The following VPS13A variants were observed in gnomAD, a reference collection of about 807,000 sequenced individuals.
The protein encoded by VPS13A is vacuolar protein sorting 13 homolog A, also known as intermembrane lipid transfer protein VPS13A.
VPS13A carries 264 observed loss-of-function variants against 390.9 expected under a neutral mutation model. That is an observed-to-expected ratio of 0.68 (90% CI 0.61 to 0.75). VPS13A has a LOEUF of 0.75. Among genes scored for constraint, VPS13A ranks in the 30% least tolerant of loss-of-function variants. VPS13A has a pLI of 0.00. For missense variants in VPS13A, 3,409 were observed against 3,733.9 expected (o/e 0.91, Z 2.27); for synonymous variants, 1,231 against 1,227.1 (o/e 1.00, Z -0.07).
chr9:77,409,949 A>T (rs1364371554), intron 71 of VPS13A, among the ~76,000 whole-genome samples: 1 of 151,540 alleles, frequency 6.6e-6, no homozygotes, highest in African/African-American at 2.4e-5. Flanking sequence ...AGAGAATGCC[A>T]CAAAGATACT....
chr9:77,320,023 C>T (rs1178962171), intron 42 of VPS13A, among the ~76,000 whole-genome samples: 1 of 152,126 alleles, frequency 6.6e-6, no homozygotes, highest in Non-Finnish European at 1.5e-5. Flanking sequence ...GTTGCCTATG[C>T]TTCTAATACA....
At chr9:77,321,919 G>T (rs539902232) in intron 44 of VPS13A, among the ~76,000 whole-genome samples, 173 bp downstream of exon 44, 2 of 151,662 alleles carry the variant, frequency 1.3e-5, no homozygotes, top group African/African-American at 2.4e-5. Context: ...CAGTGTCTTG[G>T]TTACTATTGT....
At chr9:77,370,074 A>C (rs935745061) in intron 63 of VPS13A, among the ~76,000 whole-genome samples, 183 bp from the exon 64 acceptor site, 3 of 152,104 alleles carry the variant, frequency 2.0e-5, no homozygotes, top group Non-Finnish European at 4.4e-5. Flanking sequence ...TATCCTTCAC[A>C]CTTTCAGCGT....
intron 5 of VPS13A, among the ~76,000 whole-genome samples, chr9:77,207,256 A>AT: frequency 1.9e-5 from 1 of 53,986 alleles, no homozygotes; most frequent in South Asian, 7.7e-4. Flanking sequence ...TATATATAAA[A>AT]CGTGTTATAT....
In VPS13A at chr9:77,341,691, CTTTTTTTTTTTTTTTTTT is replaced by C. The variant is rs57841628; in HGVS notation, c.7026+1153_7026+1170del. On this transcript the variant is annotated intron_variant, in intron 50 of 71. Coordinates refer to ENST00000360280, the MANE Select transcript of VPS13A (RefSeq NM_033305.3). Reference sequence around the variant, plus strand: ...AGTAAGTTCTACATGGACATCTTTCCTTTTTTTTTTTTTTTTTTTTTTTTTTTTTGCTTTTGCTGTGTC... The same window carrying C: ...AGTAAGTTCTACATGGACATCTTTCCTTTTTTTTTTTGCTTTTGCTGTGTC... Among the ~76,000 whole-genome samples the C allele has an allele frequency of 1.1e-4, 4 of 37,822 alleles. 1 individual carries two copies. Among genetic ancestry groups the C allele is most frequent in the South Asian group, 2.6e-3 (2 of 756 alleles). The allele number at this position is 37,822 out of a possible 152,430, so 24.8% of individuals were successfully genotyped here. A position where few individuals can be genotyped will look rare whatever the true frequency, so the allele number is the denominator to read the frequency against.
chr9:77,318,198 G>A, intron 40 of VPS13A, 37 bp from the exon 41 acceptor site: 1 of 1,222,036 alleles, frequency 8.2e-7, no homozygotes, highest in East Asian at 2.4e-5. Flanking sequence ...ATGTTTGAAA[G>A]TGTTTTGTAT....
intron 47 of VPS13A, chr9:77,337,808 G>A: frequency 3.1e-6 from 1 of 319,446 alleles, no homozygotes; most frequent in Non-Finnish European, 5.7e-6. Flanking sequence ...TTGTGAAGTT[G>A]CTTTTTTTCT....
rs145700127 is a variant in VPS13A at position 77,191,353 on chromosome 9, G to T, written c.101-8592G>T. On this transcript the variant is annotated intron_variant, in intron 1 of 71. Transcript: ENST00000360280. ...CTGTTGCCGAGGCTGAAGTGGAGTGGCATGAACACGGCTCACTGCAGCCTC... is the reference window on the plus strand; with the variant it reads ...CTGTTGCCGAGGCTGAAGTGGAGTGTCATGAACACGGCTCACTGCAGCCTC... Among the ~76,000 whole-genome samples the T allele has an allele frequency of 5.6e-3, 835 of 150,064 alleles. 10 individuals carry two copies. Among genetic ancestry groups the T allele is most frequent in the African/African-American group, 0.02 (805 of 40,784 alleles).
intron 34 of VPS13A, among the ~76,000 whole-genome samples, chr9:77,307,172 T>C (rs7862288): frequency 0.2 from 29,727 of 152,124 alleles, 3,751 homozygotes; most frequent in East Asian, 0.39. Flanking sequence ...CCCAGAGTGC[T>C]GGGCTTACAG....
intron 50 of VPS13A, among the ~76,000 whole-genome samples, chr9:77,342,542 C>T (rs151238810): frequency 6.6e-6 from 1 of 152,224 alleles, no homozygotes; most frequent in African/African-American, 2.4e-5. Flanking sequence ...GAGATAGTGA[C>T]ACATTCTCTT....
In VPS13A at chr9:77,335,345, A is replaced by G. The variant is rs77577599; in HGVS notation, c.6096-1910A>G. 4.7e-3 allele frequency among the ~76,000 whole-genome samples: 718 copies of G among 152,300 alleles called. 5 individuals carry two copies. Among genetic ancestry groups the G allele is most frequent in the African/African-American group, 0.017 (686 of 41,562 alleles). On this transcript the variant is annotated intron_variant, in intron 46 of 71. Coordinates refer to ENST00000360280, the MANE Select transcript of VPS13A (RefSeq NM_033305.3). ...TCTTCTGCAATGGCAAAAAAATCCA[A>G]AATTGACAAATGGGATCTAATTAAA...
At chr9:77,269,804 C>T (rs1826246999) in intron 23 of VPS13A, among the ~76,000 whole-genome samples, 1 of 152,160 alleles carries the variant, frequency 6.6e-6, no homozygotes, top group Non-Finnish European at 1.5e-5. Context: ...CCTAATTCTG[C>T]TATTTCACAT....
rs1827573223 is a variant in VPS13A at position 77,290,256 on chromosome 9, CTTTGTTACA to C, written c.3340-3084_3340-3076del. Among the ~76,000 whole-genome samples, 19 of 152,090 alleles carry C rather than the reference CTTTGTTACA, an allele frequency of 1.2e-4. 1 individual carries two copies. The highest frequency in any genetic ancestry group is 1.2e-3 in the East Asian group (6 of 5,180). ...TGTTAAAAGATGTGATTTCATTGTTCTTTGTTACACATACTTTTGATGAGAAATCTATGA... is the reference window on the plus strand; with the variant it reads ...TGTTAAAAGATGTGATTTCATTGTTCCATACTTTTGATGAGAAATCTATGA... On this transcript the variant is annotated intron_variant, in intron 31 of 71. Transcript: ENST00000360280.
intron 3 of VPS13A, among the ~76,000 whole-genome samples, chr9:77,202,205 A>G (rs1825370796): frequency 2.0e-5 from 3 of 152,128 alleles, no homozygotes; most frequent in South Asian, 2.1e-4. Context: ...ACCACATACC[A>G]TAGAAAACTT....
intron 1 of VPS13A, among the ~76,000 whole-genome samples, chr9:77,189,027 T>C (rs990752333): frequency 2.6e-5 from 4 of 152,026 alleles, no homozygotes; most frequent in Admixed American, 6.6e-5. Context: ...TTGTTGGATG[T>C]ATAGCTTGCA....
chr9:77,202,461 C>T (rs988395088), intron 3 of VPS13A, among the ~76,000 whole-genome samples: 2 of 152,144 alleles, frequency 1.3e-5, no homozygotes, highest in Middle Eastern at 3.4e-3. Context: ...AAGGATTTCT[C>T]ATAATCTGAG....
At chr9:77,256,597 A>G (rs527898845) in intron 22 of VPS13A, among the ~76,000 whole-genome samples, 1 of 152,208 alleles carries the variant, frequency 6.6e-6, no homozygotes, top group East Asian at 1.9e-4. Context: ...GAAGTCTCCT[A>G]TTATTATCAA....
intron 54 of VPS13A, among the ~76,000 whole-genome samples, chr9:77,355,213 G>A (rs1295082484): frequency 6.6e-6 from 1 of 152,108 alleles, no homozygotes; most frequent in East Asian, 1.9e-4. Context: ...TCCAAACAGG[G>A]TTTTGCTTTC....
At chr9:77,207,227 AT>A (rs1564630178) in intron 5 of VPS13A, among the ~76,000 whole-genome samples, 2,213 of 96,108 alleles carry the variant, frequency 0.023, 195 homozygotes, top group African/African-American at 0.065. Flanking sequence ...ATATATATAT[AT>A]ATATATATAT....
Sources: allele counts gnomAD v4.1 joint callset (sites outside exome capture counted in the v4.1 genomes callset), GRCh38; gene constraint gnomAD v4.1.1; transcripts MANE v1.5; gene names NCBI Gene and HGNC (gene_info 2026-07-23, HGNC 2026-07-21).